The following PSTPIP2 variants were observed in gnomAD, a reference collection of about 807,000 sequenced individuals.
PSTPIP2 encodes proline-serine-threonine phosphatase-interacting protein 2.
Under a neutral mutation model 63.3 loss-of-function variants are expected in PSTPIP2, and 33 were observed. The ratio of observed to expected loss-of-function variants is 0.52; its 90% confidence interval spans 0.40 to 0.70. PSTPIP2 has a LOEUF of 0.70. PSTPIP2 is among the 30% of genes least tolerant of loss of function. The pLI, the probability that PSTPIP2 is intolerant of heterozygous loss-of-function variation, is 0.00. For missense variants in PSTPIP2, 312 were observed against 400.7 expected, an observed-to-expected ratio of 0.78 and a Z score of 1.89; for synonymous variants, 125 against 132.7, an observed-to-expected ratio of 0.94 and a Z score of 0.40.
intron 1 of PSTPIP2, among the ~76,000 whole-genome samples, chr18:46,058,526 A>AT (rs1465393845): frequency 6.6e-6 from 1 of 151,314 alleles, no homozygotes; most frequent in Non-Finnish European, 1.5e-5. Flanking sequence ...CCAGCTATTT[A>AT]TTTTTTGTAT....
chr18:46,000,979 T>C lies in PSTPIP2; in HGVS notation c.418-1445A>G, dbSNP rs576459594. On this transcript the variant is annotated intron_variant, in intron 6 of 14. Transcript: ENST00000409746. ...AAGAAAATACGGCACATATACACAATGGAACACTACTCCACTATAAAAATA... is the reference window on the plus strand; with the variant it reads ...AAGAAAATACGGCACATATACACAACGGAACACTACTCCACTATAAAAATA... 3.4e-3 allele frequency among the ~76,000 whole-genome samples: 515 copies of C among 152,262 alleles called. 4 individuals carry two copies. The highest frequency in any genetic ancestry group is 0.012 in the African/African-American group (489 of 41,556).
At chr18:46,055,828 T>C (rs1366549719) in intron 1 of PSTPIP2, among the ~76,000 whole-genome samples, 1 of 152,234 alleles carries the variant, frequency 6.6e-6, no homozygotes, top group Non-Finnish European at 1.5e-5. Context: ...GTATAAAAGT[T>C]CTCCATATTT....
chr18:46,072,127 C>T lies in PSTPIP2; in HGVS notation c.33+29G>A, dbSNP rs777760028. On this transcript the variant is annotated intron_variant, in intron 1 of 14. Coordinates refer to ENST00000409746, the MANE Select transcript of PSTPIP2 (RefSeq NM_024430.4). ...CCCGCCCGGGCCGGGTCCTGAGCCC[C>T]GCGATCCGCTGTCGGCCCCACGACT... The T allele has an allele frequency of 1.3e-5, 20 of 1,527,714 alleles. No individual in the cohort carries two copies. In the East Asian group the frequency reaches 3.2e-4, roughly 24 times the overall value. The allele number at this position is 1,527,714 out of a possible 1,614,324, so 94.6% of individuals were successfully genotyped here.
rs112286728 is a variant in PSTPIP2, at chr18:46,017,126, A to G, written c.213-1189T>C. Among the ~76,000 whole-genome samples, 867 of 152,286 alleles carry G rather than the reference A, an allele frequency of 5.7e-3. 9 individuals are homozygous for G. The highest frequency in any genetic ancestry group is 0.014 in the Middle Eastern group (4 of 294). On this transcript the variant is annotated intron_variant, in intron 3 of 14. Transcript: ENST00000409746. Reference sequence around the variant, plus strand: ...TAACTCTAATTTTTTGTTGGATAACATCTTTATTTTTCCTTCTTTCTTGAA... The same window carrying G: ...TAACTCTAATTTTTTGTTGGATAACGTCTTTATTTTTCCTTCTTTCTTGAA...
At chr18:46,011,126 C>T (rs1274097705) in intron 5 of PSTPIP2, 55 bp downstream of exon 5, 26 of 1,422,708 alleles carry the variant, frequency 1.8e-5, no homozygotes, top group Non-Finnish European at 2.6e-5. Context: ...AACAAACAAG[C>T]CTGCGGTTTT....
At chr18:45,998,864 A>C in intron 7 of PSTPIP2, 25 bp from the exon 8 acceptor site, 1 of 1,613,694 alleles carries the variant, frequency 6.2e-7, no homozygotes, top group Non-Finnish European at 8.5e-7. Context: ...AAACAAACAA[A>C]AAAAGAGCAA....
chr18:46,003,573 A>AT lies in PSTPIP2; in HGVS notation c.417+1895dup, dbSNP rs554265904. Among the ~76,000 whole-genome samples, 348 of 151,064 alleles carry AT rather than the reference A, an allele frequency of 2.3e-3. 3 individuals are homozygous for AT. The highest frequency in any genetic ancestry group is 0.014 in the Middle Eastern group (4 of 292). On this transcript the variant is annotated intron_variant, in intron 6 of 14. Transcript: ENST00000409746. ...GAACAGGTTTTTCTTGGAGCTTTTT[A>AT]TTTATTTTTTTTATTTTTTTAATTT...
intron 1 of PSTPIP2, among the ~76,000 whole-genome samples, chr18:46,061,832 GATA>G: frequency 6.6e-6 from 1 of 152,314 alleles, no homozygotes; most frequent in Non-Finnish European, 1.5e-5. Flanking sequence ...ATCTGTATTT[GATA>G]ATAAGGGCTC....
intron 6 of PSTPIP2, among the ~76,000 whole-genome samples, chr18:46,004,118 C>T (rs1319267429): frequency 6.6e-6 from 1 of 152,092 alleles, no homozygotes; most frequent in East Asian, 1.9e-4. Flanking sequence ...AATCTTGCCC[C>T]AGATTGTTTA....
At chr18:46,003,607 T>C (rs976053437) in intron 6 of PSTPIP2, among the ~76,000 whole-genome samples, 1 of 152,066 alleles carries the variant, frequency 6.6e-6, no homozygotes, top group Non-Finnish European at 1.5e-5. Flanking sequence ...TTTTGGTCTA[T>C]GACCATTGGC....
chr18:46,017,582 T>A (rs926131845), intron 3 of PSTPIP2, among the ~76,000 whole-genome samples: 1 of 152,018 alleles, frequency 6.6e-6, no homozygotes, highest in African/African-American at 2.4e-5. Context: ...AACCTCTGAT[T>A]TTTTTTTCTG....
At chr18:46,037,310 G>A (rs1415532111) in intron 2 of PSTPIP2, among the ~76,000 whole-genome samples, 1 of 152,010 alleles carries the variant, frequency 6.6e-6, no homozygotes, top group African/African-American at 2.4e-5. Flanking sequence ...ACCATGCCCA[G>A]CTAATTTTGC....
At position 46,024,771 on chromosome 18, in the gene PSTPIP2, A is replaced by G. The variant is rs1157417403; in HGVS notation, c.135-85T>C. 24 of 1,024,352 alleles carry G rather than the reference A, an allele frequency of 2.3e-5. No individual in the cohort carries two copies. The African/African-American group carries it at 2.9e-4, about 12-fold the overall frequency. 63.5% of individuals were successfully genotyped at this position (1,024,352 alleles called of 1,614,324 possible). The stretch of plus-strand genomic sequence containing the variant: ...CAATGACCCTCCCTTGGAAAGCAAA[A>G]CTGCACCTGTGACCATAGAAGCTCA... On this transcript the variant is annotated intron_variant, in intron 2 of 14. Coordinates refer to ENST00000409746, the MANE Select transcript of PSTPIP2 (RefSeq NM_024430.4).
chr18:45,998,861 C>A (rs1568211424), intron 7 of PSTPIP2, 22 bp from the exon 8 acceptor site: 3 of 1,612,408 alleles, frequency 1.9e-6, no homozygotes, highest in African/African-American at 1.3e-5. Flanking sequence ...AACAAACAAA[C>A]AAAAAAAGAG....
chr18:45,997,973 G>T, intron 8 of PSTPIP2, 145 bp from the exon 9 acceptor site: 1 of 684,600 alleles, frequency 1.5e-6, no homozygotes, highest in Non-Finnish European at 2.6e-6. Context: ...AGCACTGGGA[G>T]TTATTGCATC....
chr18:46,015,902 C>T lies in PSTPIP2; in HGVS notation c.247+1G>A, dbSNP rs762699163. 27 of 1,611,272 alleles carry T rather than the reference C, an allele frequency of 1.7e-5. No individual in the cohort carries two copies. The highest frequency in any genetic ancestry group is 2.0e-5 in the Non-Finnish European group (24 of 1,178,522). ...CATTTTTTAAAAAAAAAATCACTTA[C>T]GCTGCTTGAAGACTTCAAGGGCCCG... On this transcript the variant is annotated splice_donor_variant, in intron 4 of 14. Coordinates refer to ENST00000409746, the MANE Select transcript of PSTPIP2 (RefSeq NM_024430.4). LOFTEE classifies it high-confidence loss of function.
At chr18:46,008,252 T>C (rs2051753164) in intron 5 of PSTPIP2, among the ~76,000 whole-genome samples, 1 of 152,156 alleles carries the variant, frequency 6.6e-6, no homozygotes, top group African/African-American at 2.4e-5. Flanking sequence ...AGAGAGACTA[T>C]TGGAATAGCT....
chr18:45,998,882 G>A, intron 7 of PSTPIP2, 43 bp from the exon 8 acceptor site: 6 of 1,611,128 alleles, frequency 3.7e-6, no homozygotes, highest in Non-Finnish European at 5.1e-6. Flanking sequence ...CAAGCATTGG[G>A]AATGCTGGAC....
At chr18:45,985,480 T>TGAATGAAAGGTGCTTGTCAATACTC in intron 14 of PSTPIP2, 30 bp from the exon 15 acceptor site, 2 of 1,610,690 alleles carry the variant, frequency 1.2e-6, no homozygotes, top group Non-Finnish European at 1.7e-6. Flanking sequence ...AAATTTCCTC[T>TGAATGAAAGGTGCTTGTCAATACTC]GAATGAAAGG....
Sources: gnomAD v4.1 joint callset for allele counts (sites outside exome capture counted in the v4.1 genomes callset) on GRCh38, gnomAD v4.1.1 for gene constraint, MANE v1.5 for transcripts, NCBI Gene and HGNC (gene_info 2026-07-23, HGNC 2026-07-21) for gene names.